SLC38A9: variants seen among roughly 807,000 people sequenced by gnomAD.
SLC38A9 encodes the protein solute carrier family 38 member 9.
In SLC38A9, 48 loss-of-function variants were observed where a neutral mutation model predicts 62.3. That is an observed-to-expected ratio of 0.77 (90% CI 0.61 to 0.98). The LOEUF (loss-of-function observed/expected upper bound fraction) is 0.98. Ranked by LOEUF, SLC38A9 falls within the 50% of genes least tolerant of loss-of-function variation. The probability of loss-of-function intolerance (pLI) is 0.00; values close to 1 mark genes in which losing one functional copy is unlikely to be tolerated. For synonymous variants in SLC38A9, 204 were observed against 227.7 expected, an observed-to-expected ratio of 0.90 and a Z score of 0.94; for missense variants, 541 against 679.8, an observed-to-expected ratio of 0.80 and a Z score of 2.27.
At chr5:55,697,654 G>GAAAAA (rs3042033) in intron 3 of SLC38A9, among the ~76,000 whole-genome samples, 192 bp downstream of exon 3, 2 of 131,296 alleles carry the variant, frequency 1.5e-5, no homozygotes, top group Non-Finnish European at 1.6e-5. Context: ...TGAGTTTAGT[G>GAAAAA]AAAAAAAAAA....
intron 2 of SLC38A9, among the ~76,000 whole-genome samples, chr5:55,705,302 C>A (rs2150709211): frequency 6.6e-6 from 1 of 151,958 alleles, no homozygotes; most frequent in South Asian, 2.1e-4. Context: ...GAGAAAAACA[C>A]AAGTTAATAG....
At chr5:55,653,954 G>A (rs946357220) in intron 9 of SLC38A9, among the ~76,000 whole-genome samples, 11 of 152,280 alleles carry the variant, frequency 7.2e-5, no homozygotes, top group African/African-American at 2.4e-4. Flanking sequence ...ACCGCACTGG[G>A]CCTAAACGTA....
At chr5:55,707,448 C>T (rs1193911471) in intron 2 of SLC38A9, among the ~76,000 whole-genome samples, 1 of 152,008 alleles carries the variant, frequency 6.6e-6, no homozygotes, top group East Asian at 1.9e-4. Flanking sequence ...ATAGTGAAAC[C>T]CTGTCTCTAC....
At chr5:55,709,805 G>A (rs1016108051) in intron 2 of SLC38A9, among the ~76,000 whole-genome samples, 10 of 151,902 alleles carry the variant, frequency 6.6e-5, no homozygotes, top group African/African-American at 1.7e-4. Flanking sequence ...TGTGGCACAC[G>A]CCTGTAATCC....
intron 3 of SLC38A9, among the ~76,000 whole-genome samples, chr5:55,685,691 T>A (rs1229143968): frequency 6.6e-6 from 1 of 152,130 alleles, no homozygotes. Context: ...GGCAAACATG[T>A]GTGATGGGGG....
At chr5:55,706,252 G>A (rs1195045933) in intron 2 of SLC38A9, among the ~76,000 whole-genome samples, 1 of 152,186 alleles carries the variant, frequency 6.6e-6, no homozygotes, top group Non-Finnish European at 1.5e-5. Flanking sequence ...AAACATATCT[G>A]CCTAAACAAT....
intron 14 of SLC38A9, among the ~76,000 whole-genome samples, chr5:55,632,386 C>T (rs971411339): frequency 6.6e-6 from 1 of 151,996 alleles, no homozygotes; most frequent in Non-Finnish European, 1.5e-5. Flanking sequence ...TGCAGTGAGC[C>T]GAGATCGCGC....
intron 7 of SLC38A9, among the ~76,000 whole-genome samples, chr5:55,666,767 C>T (rs1750529746): frequency 6.6e-6 from 1 of 152,148 alleles, no homozygotes; most frequent in African/African-American, 2.4e-5. Flanking sequence ...GTGGCTCACG[C>T]CTGTAATCCC....
At chr5:55,635,421 A>G (rs1270187759) in intron 13 of SLC38A9, 123 bp downstream of exon 13, 1 of 738,666 alleles carries the variant, frequency 1.4e-6, no homozygotes, top group Non-Finnish European at 2.4e-6. Flanking sequence ...CTTGGAGTAG[A>G]TAGCAGAGAT....
intron 12 of SLC38A9, among the ~76,000 whole-genome samples, chr5:55,643,243 G>A (rs4242056): frequency 0.59 from 90,305 of 151,848 alleles, 27,513 homozygotes; most frequent in South Asian, 0.7. Flanking sequence ...ACTGCTTTAA[G>A]TAAACTCAAA....
intron 10 of SLC38A9, among the ~76,000 whole-genome samples, chr5:55,649,765 T>C (rs1747058943): frequency 6.6e-6 from 1 of 151,904 alleles, no homozygotes; most frequent in African/African-American, 2.4e-5. Context: ...GAGTTTGCAG[T>C]GAGCCAAGAT....
At chr5:55,699,722 AG>A (rs1164232304) in intron 2 of SLC38A9, among the ~76,000 whole-genome samples, 24 of 94,584 alleles carry the variant, frequency 2.5e-4, no homozygotes, top group African/African-American at 7.1e-4. Flanking sequence ...GTGAATTTTT[AG>A]GAAAAAAAAA....
chr5:55,636,357 A>G (rs1744399632), intron 12 of SLC38A9, among the ~76,000 whole-genome samples: 1 of 152,162 alleles, frequency 6.6e-6, no homozygotes. Flanking sequence ...TCCCATATCC[A>G]TGCAAAGTAA....
chr5:55,641,578 T>TATA (rs1745453930), intron 12 of SLC38A9, among the ~76,000 whole-genome samples: 1 of 152,220 alleles, frequency 6.6e-6, no homozygotes, highest in South Asian at 2.1e-4. Context: ...TAACTCTCTA[T>TATA]ATAGAGTTCA....
chr5:55,705,257 G>A (rs1472909823), intron 2 of SLC38A9, among the ~76,000 whole-genome samples: 1 of 151,850 alleles, frequency 6.6e-6, no homozygotes. Context: ...ATATCAAAAA[G>A]ACAAAACTTG....
At chr5:55,628,964 A>G (rs1742949813) in intron 14 of SLC38A9, among the ~76,000 whole-genome samples, 1 of 152,248 alleles carries the variant, frequency 6.6e-6, no homozygotes, top group African/African-American at 2.4e-5. Context: ...TAAAGATTAC[A>G]GAGAATTAGA....
chr5:55,642,231 G>A (rs1165898376), intron 12 of SLC38A9, among the ~76,000 whole-genome samples: 3 of 152,172 alleles, frequency 2.0e-5, no homozygotes, highest in African/African-American at 7.2e-5. Context: ...ATTTTTAGTA[G>A]AGACGGGGTT....
At chr5:55,627,688 T>C (rs1261976234) in intron 15 of SLC38A9, among the ~76,000 whole-genome samples, 1 of 152,084 alleles carries the variant, frequency 6.6e-6, no homozygotes, top group Non-Finnish European at 1.5e-5. Context: ...ATGGAGCTTC[T>C]AGAGTGAGTT....
At chr5:55,680,722 A>G (rs752966627) in intron 3 of SLC38A9, among the ~76,000 whole-genome samples, 30 of 152,248 alleles carry the variant, frequency 2.0e-4, no homozygotes, top group Non-Finnish European at 3.8e-4. Flanking sequence ...TCCTCATCAT[A>G]GCTCTCAAGA....
Sources: gnomAD v4.1 joint callset for allele counts (sites outside exome capture counted in the v4.1 genomes callset) on GRCh38, gnomAD v4.1.1 for gene constraint, MANE v1.5 for transcripts, NCBI Gene and HGNC (gene_info 2026-07-23, HGNC 2026-07-21) for gene names.